Variants in BLOC1S5 observed in about 807,000 individuals in gnomAD.
BLOC1S5 encodes biogenesis of lysosomal organelles complex 1 subunit 5.
Under a neutral mutation model 24.3 loss-of-function variants are expected in BLOC1S5, and 27 were observed. The observed-to-expected ratio is 1.11, with a 90% CI of 0.82 to 1.53. The LOEUF is 1.53. Ranked by LOEUF, BLOC1S5 falls within the 40% of genes most tolerant of loss-of-function variation. The probability of loss-of-function intolerance (pLI) is 0.00; values close to 1 mark genes in which losing one functional copy is unlikely to be tolerated. For synonymous variants in BLOC1S5, 84 were observed against 74.5 expected (o/e 1.13, Z -0.66); for missense variants, 239 against 229.4 (o/e 1.04, Z -0.27).
At chr6:8,032,682 AAAT>A (rs1219562739) in intron 3 of BLOC1S5, among the ~76,000 whole-genome samples, 3 of 152,220 alleles carry the variant, frequency 2.0e-5, no homozygotes, top group African/African-American at 7.2e-5. Context: ...ACAGGAAGTC[AAAT>A]TGTCCCTGTT....
intron 2 of BLOC1S5, among the ~76,000 whole-genome samples, chr6:8,058,425 AAG>A (rs1764395679): frequency 6.6e-6 from 1 of 151,740 alleles, no homozygotes; most frequent in Admixed American, 6.6e-5. Flanking sequence ...TGGAAGAATC[AAG>A]AGAGAGTAGT....
intron 4 of BLOC1S5, 141 bp from the exon 5 acceptor site, chr6:8,015,969 A>G: frequency 2.9e-6 from 2 of 694,884 alleles, no homozygotes; most frequent in Non-Finnish European, 2.3e-6. Context: ...AAAAAAGATG[A>G]CACATTAGAA....
intron 3 of BLOC1S5, chr6:8,027,089 C>A: frequency 3.6e-6 from 1 of 279,588 alleles, no homozygotes; most frequent in Non-Finnish European, 7.1e-6. Flanking sequence ...TTGGCTCTTA[C>A]TATCAACACT....
intron 4 of BLOC1S5, among the ~76,000 whole-genome samples, chr6:8,017,622 G>T (rs1026663916): frequency 9.9e-5 from 15 of 152,182 alleles, no homozygotes; most frequent in Admixed American, 2.6e-4. Flanking sequence ...ACAGGATGAA[G>T]GGCTGAATAA....
In BLOC1S5 at chr6:8,057,467, C is replaced by A. The variant is rs1391581748; in HGVS notation, c.195+5067G>T. The stretch of plus-strand genomic sequence containing the variant: ...TGAAAATTCTCAGAGCAAAGCTCAG[C>A]ACTCATAAAGCTTGGTTTCTGATGT... On this transcript the variant is annotated intron_variant, in intron 2 of 4. Coordinates refer to ENST00000397457, the MANE Select transcript of BLOC1S5 (RefSeq NM_201280.3). 2.0e-5 allele frequency among the ~76,000 whole-genome samples: 3 copies of A among 152,174 alleles called. No homozygotes were observed. In the East Asian group the frequency reaches 5.8e-4, roughly 29 times the overall value.
At chr6:8,047,514 A>C (rs1482212674) in intron 2 of BLOC1S5, among the ~76,000 whole-genome samples, 1 of 152,166 alleles carries the variant, frequency 6.6e-6, no homozygotes, top group African/African-American at 2.4e-5. Context: ...TTTATCCCCC[A>C]GTTTGTTTGA....
chr6:8,039,552 C>T (rs900174976), intron 3 of BLOC1S5, among the ~76,000 whole-genome samples: 1 of 151,892 alleles, frequency 6.6e-6, no homozygotes, highest in African/African-American at 2.4e-5. Context: ...ACCATAAGTA[C>T]CCCCAAAATA....
chr6:8,020,419 A>G (rs1334599130), intron 4 of BLOC1S5, among the ~76,000 whole-genome samples: 1 of 152,248 alleles, frequency 6.6e-6, no homozygotes, highest in East Asian at 1.9e-4. Context: ...TGAACATGTC[A>G]GACACCCTTT....
chr6:8,053,271 G>A (rs950408816), intron 2 of BLOC1S5, among the ~76,000 whole-genome samples: 1 of 152,180 alleles, frequency 6.6e-6, no homozygotes, highest in African/African-American at 2.4e-5. Flanking sequence ...TCGACTGTGG[G>A]TAAAACGCTA....
Position 8,029,764 on chromosome 6 carries a change from G to A in BLOC1S5, c.326-3339C>T, listed in dbSNP as rs1332009398. On this transcript the variant is annotated intron_variant, in intron 3 of 4. Coordinates refer to ENST00000397457, the MANE Select transcript of BLOC1S5 (RefSeq NM_201280.3). ...ATTCAAGATGAGTGGCATTCTGATCGTTTACTAGAACTAAGGCAGACTTGG... is the reference window on the plus strand; with the variant it reads ...ATTCAAGATGAGTGGCATTCTGATCATTTACTAGAACTAAGGCAGACTTGG... Among the ~76,000 whole-genome samples, 3 of 151,954 alleles carry A rather than the reference G, an allele frequency of 2.0e-5. No homozygotes were observed. The East Asian group carries it at 5.8e-4, about 29-fold the overall frequency.
chr6:8,020,849 C>A (rs541413465), intron 4 of BLOC1S5, among the ~76,000 whole-genome samples: 90 of 152,242 alleles, frequency 5.9e-4, no homozygotes, highest in Middle Eastern at 3.4e-3. Flanking sequence ...AAGATGAAAA[C>A]CTTGGCTTTT....
intron 3 of BLOC1S5, among the ~76,000 whole-genome samples, chr6:8,030,568 G>A (rs1412414467): frequency 6.6e-6 from 1 of 151,660 alleles, no homozygotes; most frequent in Non-Finnish European, 1.5e-5. Context: ...TCAAGCAGAG[G>A]AGAGTCAGTG....
At chr6:8,035,721 G>A (rs979523955) in intron 3 of BLOC1S5, among the ~76,000 whole-genome samples, 3 of 152,122 alleles carry the variant, frequency 2.0e-5, no homozygotes, top group Non-Finnish European at 4.4e-5. Context: ...CTTAACACTG[G>A]AACTCCCAAG....
chr6:8,056,329 T>C (rs1371536714), intron 2 of BLOC1S5, among the ~76,000 whole-genome samples: 1 of 152,216 alleles, frequency 6.6e-6, no homozygotes, highest in Non-Finnish European at 1.5e-5. Context: ...CCACTCCCTC[T>C]GGCAGTTCTG....
chr6:8,031,566 G>A (rs532113623), intron 3 of BLOC1S5, among the ~76,000 whole-genome samples: 2 of 151,902 alleles, frequency 1.3e-5, no homozygotes, highest in Non-Finnish European at 2.9e-5. Context: ...CAAATTCAAT[G>A]CAATTCCCAT....
intron 2 of BLOC1S5, among the ~76,000 whole-genome samples, chr6:8,046,137 A>G (rs115672324): frequency 0.032 from 4,840 of 152,262 alleles, 243 homozygotes; most frequent in African/African-American, 0.11. Context: ...AGTCTTTCCC[A>G]TACTATTCTC....
rs539044616 is a variant in BLOC1S5 at position 8,034,275 on chromosome 6, T to A, written c.325+6864A>T. Among the ~76,000 whole-genome samples the A allele has an allele frequency of 1.5e-4, 23 of 152,348 alleles. No individual in the cohort carries two copies. The South Asian group carries it at 4.6e-3, about 30-fold the overall frequency. On this transcript the variant is annotated intron_variant, in intron 3 of 4. Coordinates refer to ENST00000397457, the MANE Select transcript of BLOC1S5 (RefSeq NM_201280.3). ...CTGGATTAAGAAAATGTGGCACATA[T>A]ACACTATGGAATACTATGCAGCCAT...
chr6:8,052,810 G>T (rs1764165156), intron 2 of BLOC1S5, among the ~76,000 whole-genome samples: 1 of 151,834 alleles, frequency 6.6e-6, no homozygotes, highest in Non-Finnish European at 1.5e-5. Context: ...GAGGAGAACG[G>T]CGTGAGCCCA....
rs185710308 is a variant in BLOC1S5, at chr6:8,047,824, C to T, written c.196-6556G>A. Among the ~76,000 whole-genome samples the T allele has an allele frequency of 1.9e-3, 287 of 152,288 alleles. 3 individuals are homozygous for T. Among genetic ancestry groups the T allele is most frequent in the Middle Eastern group, 3.4e-3 (1 of 294 alleles). ...ATTTTTCAGACATGGGTTGTATACT[C>T]TCAACAGCATCTTGGTAGCATTCTG... On this transcript the variant is annotated intron_variant, in intron 2 of 4. Transcript: ENST00000397457.
Sources: allele counts gnomAD v4.1 joint callset (sites outside exome capture counted in the v4.1 genomes callset), GRCh38; gene constraint gnomAD v4.1.1; transcripts MANE v1.5; gene names NCBI Gene and HGNC (gene_info 2026-07-23, HGNC 2026-07-21).